The following AUTS2 variants were observed in gnomAD, a reference collection of about 807,000 sequenced individuals.
The protein encoded by AUTS2 is autism susceptibility gene 2 protein.
A neutral mutation model predicts 112.4 loss-of-function variants in AUTS2; 17 were observed. That is an observed-to-expected ratio of 0.15 (90% CI 0.10 to 0.23). The LOEUF is 0.23. Ranked by LOEUF, AUTS2 falls within the 10% of genes least tolerant of loss-of-function variation. The probability of loss-of-function intolerance (pLI) is 1.00; values close to 1 mark genes in which losing one functional copy is unlikely to be tolerated. For missense variants in AUTS2, 1,510 were observed against 1,701.6 expected, an observed-to-expected ratio of 0.89 and a Z score of 1.98; for synonymous variants, 751 against 702.7, an observed-to-expected ratio of 1.07 and a Z score of -1.09.
chr7:70,749,358 G>T (rs545340776), intron 6 of AUTS2, among the ~76,000 whole-genome samples: 9 of 152,054 alleles, frequency 5.9e-5, no homozygotes, highest in Admixed American at 5.9e-4. Context: ...TGGGCGGCAC[G>T]GGGAGGGGGG....
chr7:70,102,431 T>C (rs1346707182), intron 2 of AUTS2, among the ~76,000 whole-genome samples: 3 of 151,988 alleles, frequency 2.0e-5, no homozygotes, highest in Non-Finnish European at 4.4e-5. Context: ...AGTGTTTACT[T>C]TTTATTTATT....
intron 5 of AUTS2, among the ~76,000 whole-genome samples, chr7:70,682,345 C>T (rs1808252482): frequency 6.6e-6 from 1 of 152,154 alleles, no homozygotes; most frequent in South Asian, 2.1e-4. Context: ...TACAAACATT[C>T]CCAGCCTCCA....
chr7:70,184,554 A>C (rs1185831235), intron 4 of AUTS2, among the ~76,000 whole-genome samples: 2 of 152,204 alleles, frequency 1.3e-5, no homozygotes, highest in Admixed American at 1.3e-4. Flanking sequence ...TGGTCAGTAT[A>C]TATATTTTTT....
At chr7:70,026,130 AG>A (rs1206772311) in intron 2 of AUTS2, among the ~76,000 whole-genome samples, 1 of 152,210 alleles carries the variant, frequency 6.6e-6, no homozygotes, top group Non-Finnish European at 1.5e-5. Context: ...GTCTGGCTCC[AG>A]AGGCTTTGGG....
intron 5 of AUTS2, among the ~76,000 whole-genome samples, chr7:70,637,235 G>A (rs1585415751): frequency 6.6e-6 from 1 of 152,298 alleles, no homozygotes; most frequent in Non-Finnish European, 1.5e-5. Flanking sequence ...ACCATCATCT[G>A]TGACACTTTC....
intron 4 of AUTS2, among the ~76,000 whole-genome samples, chr7:70,267,885 C>A (rs1787511779): frequency 6.6e-6 from 1 of 152,190 alleles, no homozygotes; most frequent in Non-Finnish European, 1.5e-5. Flanking sequence ...ACACTTGCAA[C>A]ATGCAGACTG....
intron 5 of AUTS2, among the ~76,000 whole-genome samples, chr7:70,645,992 C>T (rs1028168971): frequency 2.3e-4 from 35 of 152,176 alleles, no homozygotes; most frequent in African/African-American, 8.4e-4. Context: ...TAACCCATTT[C>T]ACACCACCGT....
rs529398963 is a variant in AUTS2, at chr7:70,174,463, A to G, written c.660+39892A>G. Among the ~76,000 whole-genome samples, 4 of 152,328 alleles carry G rather than the reference A, an allele frequency of 2.6e-5. No homozygotes were observed. In the East Asian group the frequency reaches 7.7e-4, roughly 29 times the overall value. ...AGAAGATCTAGCTAAGATCATTGAT[A>G]AAGGTGGCCACGTTGAATAACAGAG... On this transcript the variant is annotated intron_variant, in intron 4 of 18. Transcript: ENST00000342771.
chr7:69,686,035 A>G (rs1303465825), intron 1 of AUTS2, among the ~76,000 whole-genome samples: 6 of 152,218 alleles, frequency 3.9e-5, no homozygotes, highest in Non-Finnish European at 8.8e-5. Flanking sequence ...GGCTACTGTC[A>G]GGAAGGAGGG....
chr7:70,110,831 T>C (rs991521824), intron 2 of AUTS2, among the ~76,000 whole-genome samples: 5 of 151,494 alleles, frequency 3.3e-5, no homozygotes, highest in Admixed American at 3.3e-4. Context: ...TACATGAATT[T>C]CAAGGGAATA....
intron 2 of AUTS2, among the ~76,000 whole-genome samples, chr7:70,090,163 G>T (rs916449948): frequency 6.6e-6 from 1 of 151,556 alleles, no homozygotes; most frequent in Non-Finnish European, 1.5e-5. Flanking sequence ...TTGGTTTTGG[G>T]GTTATACCAT....
At chr7:70,678,525 T>G (rs1428875568) in intron 5 of AUTS2, among the ~76,000 whole-genome samples, 1 of 152,236 alleles carries the variant, frequency 6.6e-6, no homozygotes. Context: ...CTCTTCTAGC[T>G]AAGGTAATCT....
chr7:70,016,508 C>T (rs1800035809), intron 2 of AUTS2, among the ~76,000 whole-genome samples: 1 of 151,978 alleles, frequency 6.6e-6, no homozygotes, highest in African/African-American at 2.4e-5. Flanking sequence ...GGAGAGCGCA[C>T]TACAGAAACA....
chr7:70,123,650 ACTAT>A (rs1399693356), intron 3 of AUTS2, among the ~76,000 whole-genome samples: 2 of 152,210 alleles, frequency 1.3e-5, no homozygotes, highest in Non-Finnish European at 2.9e-5. Context: ...AGCCTCCAGC[ACTAT>A]CTATGTTCCT....
chr7:70,176,263 T>G (rs1347141785), intron 4 of AUTS2, among the ~76,000 whole-genome samples: 1 of 152,184 alleles, frequency 6.6e-6, no homozygotes, highest in Non-Finnish European at 1.5e-5. Flanking sequence ...GCTATAGATA[T>G]TGTTAGTATA....
chr7:69,763,746 A>C (rs1209606647), intron 1 of AUTS2, among the ~76,000 whole-genome samples: 5 of 152,236 alleles, frequency 3.3e-5, no homozygotes, highest in African/African-American at 1.2e-4. Context: ...TGATGCCCTT[A>C]GAACAGTGCT....
intron 1 of AUTS2, among the ~76,000 whole-genome samples, chr7:69,762,584 C>T (rs1470042410): frequency 1.3e-5 from 2 of 151,972 alleles, no homozygotes; most frequent in Non-Finnish European, 2.9e-5. Context: ...GCTGGGATTT[C>T]AGGTGCGAGC....
chr7:69,850,304 AAAAC>A, intron 1 of AUTS2, among the ~76,000 whole-genome samples: 7 of 149,754 alleles, frequency 4.7e-5, no homozygotes, highest in African/African-American at 1.7e-4. Flanking sequence ...CAAAAAAACA[AAAAC>A]AAAAACAAAA....
intron 4 of AUTS2, among the ~76,000 whole-genome samples, chr7:70,299,830 T>TA (rs11395113): frequency 0.93 from 137,302 of 147,828 alleles, 64,145 homozygotes; most frequent in South Asian, 0.98. Flanking sequence ...TTTTTTCCTT[T>TA]AAAAAAAAAA....
Sources: gnomAD v4.1 joint callset for allele counts (sites outside exome capture counted in the v4.1 genomes callset) on GRCh38, gnomAD v4.1.1 for gene constraint, MANE v1.5 for transcripts, NCBI Gene and HGNC (gene_info 2026-07-23, HGNC 2026-07-21) for gene names.